Variants in PRKAR1B observed in about 807,000 individuals in gnomAD.
The protein encoded by PRKAR1B is cAMP-dependent protein kinase type I-beta regulatory subunit.
Under a neutral mutation model 46.5 loss-of-function variants are expected in PRKAR1B, and 22 were observed. That is an observed-to-expected ratio of 0.47 (90% confidence interval 0.34 to 0.68). The LOEUF (loss-of-function observed/expected upper bound fraction) is 0.68. PRKAR1B is among the 30% of genes least tolerant of loss of function. PRKAR1B has a pLI of 0.01. For synonymous variants in PRKAR1B, 259 were observed against 217.7 expected, an observed-to-expected ratio of 1.19 and a Z score of -1.67; for missense variants, 445 against 535.6, an observed-to-expected ratio of 0.83 and a Z score of 1.67.
intron 4 of PRKAR1B, among the ~76,000 whole-genome samples, chr7:627,970 G>A (rs1051896946): frequency 2.0e-4 from 31 of 152,006 alleles, no homozygotes; most frequent in Non-Finnish European, 5.9e-5. Flanking sequence ...CGAATGGGTG[G>A]GGCCCTTCTG....
At chr7:659,699 C>T (rs1182171976) in intron 4 of PRKAR1B, among the ~76,000 whole-genome samples, 1 of 152,048 alleles carries the variant, frequency 6.6e-6, no homozygotes, top group Admixed American at 6.5e-5. Flanking sequence ...ACGCATGGGC[C>T]TTGTGAGGGC....
Position 711,388 on chromosome 7 carries a change from T to G in PRKAR1B, c.118A>C (p.Ile40Leu). 6.2e-7 allele frequency: 1 copy of G among 1,614,222 alleles called. No homozygotes were observed. Among genetic ancestry groups the G allele is most frequent in the Non-Finnish European group, 8.5e-7 (1 of 1,180,020 alleles). The change falls in exon 2 of 11, where the codon ATC (isoleucine) becomes CTC (leucine). Residue 40 changes from isoleucine (I) to leucine (L), a missense_variant. Physicochemically the swap from Ile to Leu is conservative, Grantham distance 5 (BLOSUM62 2). Around this residue, in one of 5 missense-constraint regions of PRKAR1B, gnomAD observed 155 missense variants for 127.5 expected, o/e 1.22. Coordinates refer to ENST00000537384, the MANE Select transcript of PRKAR1B (RefSeq NM_001164760.2). ...TTCATGGGGCGTTCGGGCTTGGAGA[T>G]GCAGAGGTGGACGATACAGTCTTTG... The part of the protein sequence containing the change: ...VLKDCIVHLC[I>L]SKPERPMKFL...
chr7:653,488 C>T (rs1785021826), intron 4 of PRKAR1B, among the ~76,000 whole-genome samples: 1 of 152,216 alleles, frequency 6.6e-6, no homozygotes, highest in African/African-American at 2.4e-5. Context: ...CTTTGCTTCT[C>T]ATGGGACCAC....
intron 4 of PRKAR1B, among the ~76,000 whole-genome samples, chr7:662,210 C>A: frequency 9.4e-6 from 1 of 106,808 alleles, no homozygotes; most frequent in African/African-American, 3.9e-5. Flanking sequence ...GCACAGGTCC[C>A]CACCCCAACG....
chr7:599,107 G>A (rs1205669955), intron 6 of PRKAR1B, among the ~76,000 whole-genome samples: 3 of 152,264 alleles, frequency 2.0e-5, no homozygotes, highest in South Asian at 2.1e-4. Flanking sequence ...AGCTCCCTCC[G>A]CAGCCTCAGA....
chr7:664,766 T>A (rs919930868), intron 4 of PRKAR1B, among the ~76,000 whole-genome samples: 1 of 148,658 alleles, frequency 6.7e-6, no homozygotes, highest in Non-Finnish European at 1.5e-5. Context: ...AAAAAAAAAA[T>A]AGCTGGGTGT....
chr7:567,900 T>C (rs1443376450), intron 9 of PRKAR1B, among the ~76,000 whole-genome samples: 1 of 151,900 alleles, frequency 6.6e-6, no homozygotes, highest in South Asian at 2.1e-4. Context: ...GAGTGTGTGT[T>C]TGGTGGGGAC....
At chr7:636,628 C>G (rs1243651928) in intron 4 of PRKAR1B, among the ~76,000 whole-genome samples, 2 of 152,236 alleles carry the variant, frequency 1.3e-5, no homozygotes, top group Admixed American at 1.3e-4. Flanking sequence ...ACACAGTGAC[C>G]CCAGGTGGCC....
At chr7:657,618 G>A (rs1030900208) in intron 4 of PRKAR1B, among the ~76,000 whole-genome samples, 19 of 152,172 alleles carry the variant, frequency 1.2e-4, no homozygotes, top group African/African-American at 1.7e-4. Context: ...CTGAGGCGCC[G>A]TTTTGGGCAG....
chr7:571,685 C>T (rs1353202386), intron 9 of PRKAR1B, among the ~76,000 whole-genome samples: 2 of 152,190 alleles, frequency 1.3e-5, no homozygotes, highest in African/African-American at 2.4e-5. Context: ...TGCCCCCAGG[C>T]TGTGGGGAGG....
chr7:675,113 G>A (rs897333807), intron 4 of PRKAR1B, among the ~76,000 whole-genome samples: 7 of 152,304 alleles, frequency 4.6e-5, no homozygotes, highest in East Asian at 3.9e-4. Context: ...CGGAAACATC[G>A]GAGCACGGAG....
At chr7:630,477 G>T (rs949330220) in intron 4 of PRKAR1B, among the ~76,000 whole-genome samples, 39 of 152,330 alleles carry the variant, frequency 2.6e-4, no homozygotes, top group African/African-American at 8.4e-4. Flanking sequence ...TACCCAGGGG[G>T]TGGCCTATCC....
At chr7:573,000 C>T (rs1346307374) in intron 9 of PRKAR1B, among the ~76,000 whole-genome samples, 1 of 152,126 alleles carries the variant, frequency 6.6e-6, no homozygotes, top group African/African-American at 2.4e-5. Flanking sequence ...GAGCCTCCAG[C>T]GCCTGCCGAG....
intron 2 of PRKAR1B, among the ~76,000 whole-genome samples, chr7:684,949 C>T (rs955581763): frequency 2.1e-4 from 32 of 151,670 alleles, no homozygotes; most frequent in African/African-American, 7.3e-4. Flanking sequence ...TTAAATACTT[C>T]AATATCTAGC....
chr7:708,843 A>C (rs1780465591), intron 2 of PRKAR1B, among the ~76,000 whole-genome samples: 1 of 146,336 alleles, frequency 6.8e-6, no homozygotes, highest in East Asian at 2.0e-4. Flanking sequence ...CCCAGGCCAG[A>C]GTGCAGTGAC....
At chr7:641,530 G>A (rs1018347191) in intron 4 of PRKAR1B, among the ~76,000 whole-genome samples, 6 of 152,242 alleles carry the variant, frequency 3.9e-5, no homozygotes, top group South Asian at 2.1e-4. Flanking sequence ...GCTCCAAACT[G>A]AAAACAACCC....
chr7:585,382 C>T (rs751205315), intron 7 of PRKAR1B, among the ~76,000 whole-genome samples: 7 of 152,086 alleles, frequency 4.6e-5, no homozygotes, highest in Non-Finnish European at 7.4e-5. Context: ...AGCAGCCGCA[C>T]GGTGGGTACG....
At chr7:582,640 C>CG (rs947514799) in intron 8 of PRKAR1B, among the ~76,000 whole-genome samples, 13 of 152,346 alleles carry the variant, frequency 8.5e-5, no homozygotes, top group African/African-American at 2.6e-4. Flanking sequence ...CACCTCCAGC[C>CG]GGGGGGTCAC....
chr7:661,373 C>T (rs1390734643), intron 4 of PRKAR1B, among the ~76,000 whole-genome samples: 2 of 88,104 alleles, frequency 2.3e-5, no homozygotes, highest in Non-Finnish European at 2.3e-5. Flanking sequence ...CACAGGTCCC[C>T]ACCCCAACAG....
Sources: allele counts gnomAD v4.1 joint callset (sites outside exome capture counted in the v4.1 genomes callset), GRCh38; gene constraint gnomAD v4.1.1; regional missense constraint gnomAD v4.1.1; transcripts MANE v1.5; gene names NCBI Gene and HGNC (gene_info 2026-07-23, HGNC 2026-07-21).